ADAMTSL1: variants seen among roughly 807,000 people sequenced by gnomAD.
The protein encoded by ADAMTSL1 is ADAMTS-like protein 1.
In ADAMTSL1, 126 loss-of-function variants were observed where a neutral mutation model predicts 201.8. The observed-to-expected ratio is 0.62, with a 90% CI of 0.54 to 0.72. The LOEUF (loss-of-function observed/expected upper bound fraction) is 0.72. Ranked by LOEUF, ADAMTSL1 falls within the 30% of genes least tolerant of loss-of-function variation. The pLI is 0.00. For missense variants in ADAMTSL1, 2,679 were observed against 2,277.8 expected (o/e 1.18, Z -3.59); for synonymous variants, 1,121 against 903.4 (o/e 1.24, Z -4.32).
At chr9:18,164,073 G>T (rs573527024) in intron 2 of ADAMTSL1, 1 of 152,194 alleles carries the variant, frequency 6.6e-6, no homozygotes, top group Admixed American at 6.6e-5. Context: ...CAAATCTGAA[G>T]AGGTTTGGAT....
At chr9:17,952,367 C>T (rs984820234) in intron 1 of ADAMTSL1, among the ~76,000 whole-genome samples, 3 of 151,906 alleles carry the variant, frequency 2.0e-5, no homozygotes, top group Non-Finnish European at 2.9e-5. Flanking sequence ...ACTTACAGGC[C>T]TTTAATCCAT....
intron 1 of ADAMTSL1, among the ~76,000 whole-genome samples, chr9:18,046,755 A>T (rs1821676959): frequency 6.6e-6 from 1 of 152,134 alleles, no homozygotes; most frequent in East Asian, 1.9e-4. Flanking sequence ...TCTTACAACA[A>T]CCCTAACAAG....
chr9:18,445,816 G>T (rs1015426500), intron 2 of ADAMTSL1, among the ~76,000 whole-genome samples: 2 of 151,956 alleles, frequency 1.3e-5, no homozygotes, highest in Non-Finnish European at 2.9e-5. Context: ...TTTGTCATGT[G>T]AAAAAAGTAC....
At chr9:18,025,306 G>T (rs1820646332) in intron 1 of ADAMTSL1, among the ~76,000 whole-genome samples, 1 of 151,956 alleles carries the variant, frequency 6.6e-6, no homozygotes, top group South Asian at 2.1e-4. Flanking sequence ...TGCTTTTGAG[G>T]ACTTAGTTAT....
intron 23 of ADAMTSL1, among the ~76,000 whole-genome samples, chr9:18,883,933 T>C (rs1232605260): frequency 6.6e-6 from 1 of 152,148 alleles, no homozygotes; most frequent in Non-Finnish European, 1.5e-5. Flanking sequence ...ATATATACCC[T>C]AAAGTGGAAT....
intron 1 of ADAMTSL1, among the ~76,000 whole-genome samples, chr9:17,993,135 G>C (rs1419291225): frequency 6.6e-6 from 1 of 152,100 alleles, no homozygotes; most frequent in Admixed American, 6.6e-5. Context: ...TTACAAAGCA[G>C]CTCCTTATGG....
At chr9:18,572,282 G>C (rs1822374685) in intron 3 of ADAMTSL1, among the ~76,000 whole-genome samples, 1 of 151,896 alleles carries the variant, frequency 6.6e-6, no homozygotes, top group Non-Finnish European at 1.5e-5. Flanking sequence ...TAGTTTTGCT[G>C]GTTGTAGGTA....
intron 2 of ADAMTSL1, among the ~76,000 whole-genome samples, chr9:18,423,587 A>G (rs1819061479): frequency 6.6e-6 from 1 of 152,214 alleles, no homozygotes; most frequent in African/African-American, 2.4e-5. Context: ...GCAGCTCCTT[A>G]AGTACAATAT....
At chr9:18,094,814 C>T (rs1824174236) in intron 1 of ADAMTSL1, among the ~76,000 whole-genome samples, 1 of 149,820 alleles carries the variant, frequency 6.7e-6, no homozygotes, top group Non-Finnish European at 1.5e-5. Flanking sequence ...GATCTGCCCG[C>T]CTCAGCCTCC....
intron 26 of ADAMTSL1, among the ~76,000 whole-genome samples, chr9:18,904,524 C>T (rs1830183484): frequency 6.6e-6 from 1 of 150,638 alleles, no homozygotes; most frequent in South Asian, 2.1e-4. Flanking sequence ...ATTTTAGCCA[C>T]TCAGGAGGCT....
intron 1 of ADAMTSL1, among the ~76,000 whole-genome samples, chr9:17,949,511 GA>G (rs1397544392): frequency 6.6e-6 from 1 of 152,168 alleles, no homozygotes; most frequent in African/African-American, 2.4e-5. Flanking sequence ...TGGCTGATTG[GA>G]GTTTTTGCTT....
At chr9:18,725,186 G>A (rs767187762) in intron 15 of ADAMTSL1, among the ~76,000 whole-genome samples, 23 of 152,262 alleles carry the variant, frequency 1.5e-4, no homozygotes, top group Non-Finnish European at 2.9e-4. Context: ...GATTACAGGC[G>A]TGAGCCAACG....
intron 1 of ADAMTSL1, among the ~76,000 whole-genome samples, chr9:18,158,201 T>G (rs1330009483): frequency 6.6e-6 from 1 of 151,970 alleles, no homozygotes; most frequent in Non-Finnish European, 1.5e-5. Flanking sequence ...ATAAGCTGAT[T>G]GAGCCTCTTC....
chr9:18,237,436 C>T (rs57035045), intron 2 of ADAMTSL1, among the ~76,000 whole-genome samples: 3,549 of 152,244 alleles, frequency 0.023, 142 homozygotes, highest in African/African-American at 0.081. Context: ...TCTCATATTC[C>T]GTGCTCTCCT....
intron 4 of ADAMTSL1, among the ~76,000 whole-genome samples, chr9:18,614,485 A>C (rs1825579900): frequency 6.6e-6 from 1 of 152,166 alleles, no homozygotes; most frequent in Non-Finnish European, 1.5e-5. Flanking sequence ...GCTAATTTTC[A>C]AGGTTATTAC....
intron 15 of ADAMTSL1, among the ~76,000 whole-genome samples, chr9:18,749,119 G>A (rs575368145): frequency 1.2e-4 from 18 of 152,240 alleles, no homozygotes; most frequent in South Asian, 4.2e-4. Context: ...CATCTTAAGC[G>A]ATTACATCTA....
intron 14 of ADAMTSL1, among the ~76,000 whole-genome samples, chr9:18,713,476 C>A (rs928318525): frequency 2.9e-4 from 44 of 152,058 alleles, no homozygotes; most frequent in African/African-American, 8.7e-4. Flanking sequence ...AGACTTTAAA[C>A]CAACAAAGAT....
chr9:18,042,826 T>C (rs749480482), intron 1 of ADAMTSL1, among the ~76,000 whole-genome samples: 1 of 152,156 alleles, frequency 6.6e-6, no homozygotes, highest in Non-Finnish European at 1.5e-5. Context: ...ATGACTGATA[T>C]GCAGTACAGA....
chr9:18,016,325 T>G (rs1820260252), intron 1 of ADAMTSL1, among the ~76,000 whole-genome samples: 1 of 152,082 alleles, frequency 6.6e-6, no homozygotes, highest in South Asian at 2.1e-4. Flanking sequence ...TGTCGTGAAC[T>G]CTTGGGTCAA....
Sources: gnomAD v4.1 joint callset for allele counts (sites outside exome capture counted in the v4.1 genomes callset) on GRCh38, gnomAD v4.1.1 for gene constraint, MANE v1.5 for transcripts, NCBI Gene and HGNC (gene_info 2026-07-23, HGNC 2026-07-21) for gene names.